CASS4: variants seen among roughly 807,000 people sequenced by gnomAD.
The protein encoded by CASS4 is Cas scaffold protein family member 4.
In CASS4, 22 loss-of-function variants were observed where a neutral mutation model predicts 54.2. The ratio of observed to expected loss-of-function variants is 0.41; its 90% CI spans 0.29 to 0.58. CASS4 has a LOEUF of 0.58. Ranked by LOEUF, CASS4 falls within the 20% of genes least tolerant of loss-of-function variation. The pLI is 0.36. For synonymous variants in CASS4, 409 were observed against 391.5 expected (o/e 1.04, Z -0.53); for missense variants, 854 against 986.7 (o/e 0.87, Z 1.80).
chr20:56,428,588 C>T (rs192825049), intron 1 of CASS4, among the ~76,000 whole-genome samples: 3 of 152,142 alleles, frequency 2.0e-5, no homozygotes, highest in Non-Finnish European at 2.9e-5. Context: ...AAATGTCTTA[C>T]GCCTGGCCTG....
intron 2 of CASS4, among the ~76,000 whole-genome samples, chr20:56,443,015 C>A (rs1382797572): frequency 6.6e-6 from 1 of 151,344 alleles, no homozygotes; most frequent in Non-Finnish European, 1.5e-5. Flanking sequence ...ATAAAATGGG[C>A]CTGAAGTCAT....
chr20:56,458,883 G>A lies in CASS4; in HGVS notation c.*136G>A. ...ACAGACCTGGTGCCCAAAGCTGGTA[G>A]TACCAAGTGGCTAAGCAACCCCAGG... On this transcript the variant is annotated 3_prime_UTR_variant, in exon 6 of 6. Transcript: ENST00000679887. 1 of 914,296 alleles carries A rather than the reference G, an allele frequency of 1.1e-6. No homozygotes were observed. The highest frequency in any genetic ancestry group is 2.9e-5 in the Admixed American group (1 of 34,464). The allele number at this position is 914,296 out of a possible 1,614,324, so 56.6% of individuals were successfully genotyped here.
Position 56,452,559 on chromosome 20 carries a change from T to G in CASS4, c.1383T>G (p.Phe461Leu), listed in dbSNP as rs770021620. Residue 461 changes from phenylalanine (F) to leucine (L), a missense_variant, in exon 5 of 6, where the codon TTT becomes TTG. Phe to Leu is a conservative substitution (Grantham distance 22). Coordinates refer to ENST00000679887, the MANE Select transcript of CASS4 (RefSeq NM_020356.4). ...VVSSVAGLML[F>L]VSRKWRFRDY... ...GCTCTGTCGCTGGCCTGATGCTCTT[T>G]GTCAGCAGGAAGTGGAGATTCCGAG... 6.8e-6 allele frequency: 11 copies of G among 1,614,182 alleles called. No homozygotes were observed. Among genetic ancestry groups the G allele is most frequent in the Non-Finnish European group, 9.3e-6 (11 of 1,180,024 alleles).
intron 1 of CASS4, among the ~76,000 whole-genome samples, chr20:56,415,141 TG>T (rs1979068048): frequency 6.6e-6 from 1 of 152,206 alleles, no homozygotes; most frequent in African/African-American, 2.4e-5. Flanking sequence ...TACCAGGGGT[TG>T]GCAAACTCTT....
At chr20:56,413,067 G>A (rs1209233039) in intron 1 of CASS4, among the ~76,000 whole-genome samples, 1 of 151,954 alleles carries the variant, frequency 6.6e-6, no homozygotes, top group Non-Finnish European at 1.5e-5. Flanking sequence ...GCCAGGCACG[G>A]TGGTACATAC....
At chr20:56,415,746 G>C (rs937537072) in intron 1 of CASS4, among the ~76,000 whole-genome samples, 2 of 152,170 alleles carry the variant, frequency 1.3e-5, no homozygotes, top group African/African-American at 4.8e-5. Context: ...GTTCGCCTTT[G>C]TACATCGTAT....
intron 1 of CASS4, among the ~76,000 whole-genome samples, chr20:56,422,087 T>C (rs1979441276): frequency 6.6e-6 from 1 of 152,200 alleles, no homozygotes; most frequent in South Asian, 2.1e-4. Flanking sequence ...GGTGGGTTTT[T>C]CATGAGCAAG....
At chr20:56,423,981 G>A (rs1979525397) in intron 1 of CASS4, among the ~76,000 whole-genome samples, 1 of 152,136 alleles carries the variant, frequency 6.6e-6, no homozygotes, top group Non-Finnish European at 1.5e-5. Flanking sequence ...CAAAAACGGG[G>A]CTGAAGCAGA....
chr20:56,420,119 G>A (rs1979342402), intron 1 of CASS4, among the ~76,000 whole-genome samples: 1 of 152,140 alleles, frequency 6.6e-6, no homozygotes, highest in African/African-American at 2.4e-5. Flanking sequence ...CAGGCAATTT[G>A]AGGCCACCTA....
At chr20:56,433,250 C>A (rs1424967275) in intron 1 of CASS4, among the ~76,000 whole-genome samples, 2 of 152,160 alleles carry the variant, frequency 1.3e-5, no homozygotes, top group African/African-American at 4.8e-5. Flanking sequence ...GACCCTTTTT[C>A]TAAGGAAGTG....
In CASS4 at chr20:56,458,076, G is replaced by A. The variant is rs1397153913; in HGVS notation, c.1954-264G>A. ...CATTGCCAATGTGTTTCTTAAAATG[G>A]GTTTCTTGTAGTTGGTTTATTGAGA... On this transcript the variant is annotated intron_variant, in intron 5 of 5. Coordinates refer to ENST00000679887, the MANE Select transcript of CASS4 (RefSeq NM_020356.4). Among the ~76,000 whole-genome samples the A allele has an allele frequency of 2.0e-5, 3 of 150,776 alleles. No homozygotes were observed. The East Asian group carries it at 5.8e-4, about 29-fold the overall frequency.
chr20:56,455,199 C>A (rs1981233853), intron 5 of CASS4, among the ~76,000 whole-genome samples: 1 of 151,132 alleles, frequency 6.6e-6, no homozygotes. Context: ...TATTTGTGGT[C>A]AATGACAGTA....
rs749532978 is a variant in CASS4 at position 56,452,005 on chromosome 20, T to C, written c.829T>C (p.Ser277Pro). Residue 277 changes from serine (S) to proline (P), a missense_variant, in exon 5 of 6, where the codon TCC (serine) becomes CCC (proline). Ser to Pro is a moderately conservative substitution (Grantham distance 74). Transcript: ENST00000679887. ...GCCCCACGCTCTCCCCAGTTCCAGC[T>C]CCACTTTCTACAATCCTCCAAGTGG... ...SRPHALPSSS[S>P]TFYNPPSGRS... 2.0e-5 allele frequency: 32 copies of C among 1,614,048 alleles called. No individual in the cohort carries two copies. Among genetic ancestry groups the C allele is most frequent in the Non-Finnish European group, 2.6e-5 (31 of 1,180,034 alleles).
At chr20:56,434,364 A>G (rs1980055196) in intron 1 of CASS4, among the ~76,000 whole-genome samples, 1 of 152,258 alleles carries the variant, frequency 6.6e-6, no homozygotes, top group Non-Finnish European at 1.5e-5. Context: ...CATCTGTACA[A>G]TGGAAAACCA....
Position 56,452,267 on chromosome 20 carries a change from A to T in CASS4, c.1091A>T (p.Lys364Met), listed in dbSNP as rs1247336097. 1.2e-6 allele frequency: 2 copies of T among 1,613,998 alleles called. No homozygotes were observed. Among genetic ancestry groups the T allele is most frequent in the Non-Finnish European group, 1.7e-6 (2 of 1,180,026 alleles). Residue 364 changes from lysine to methionine, a missense_variant, in exon 5 of 6, where the codon AAG (lysine) becomes ATG (methionine). Physicochemically the swap from Lys to Met is moderately conservative, Grantham distance 95. Coordinates refer to ENST00000679887, the MANE Select transcript of CASS4 (RefSeq NM_020356.4). ...ACGTCGAGTGTTTCTCAGGCTGGGAAGGAGCTGGAGAAAGCCAAGGAGGTG... is the reference window on the plus strand; with the variant it reads ...ACGTCGAGTGTTTCTCAGGCTGGGATGGAGCTGGAGAAAGCCAAGGAGGTG... ...KATSSVSQAG[K>M]ELEKAKEVSE...
rs1348816140 is a variant in CASS4 at position 56,458,416 on chromosome 20, G to A, written c.2030G>A (p.Arg677Gln). Residue 677 changes from arginine (R) to glutamine (Q), a missense_variant, in exon 6 of 6, where the codon CGG (arginine) becomes CAG (glutamine). Transcript: ENST00000679887. ...ERKPRLSEHCRLYFGALFKAI... is the reference protein window; with the variant it reads ...ERKPRLSEHCQLYFGALFKAI... Reference sequence around the variant, plus strand: ...AAACCCCGCTTATCTGAACACTGCCGGCTCTACTTTGGGGCGCTCTTCAAA... The same window carrying A: ...AAACCCCGCTTATCTGAACACTGCCAGCTCTACTTTGGGGCGCTCTTCAAA... The A allele has an allele frequency of 2.5e-6, 4 of 1,613,972 alleles. No homozygotes were observed. Among genetic ancestry groups the A allele is most frequent in the Admixed American group, 1.7e-5 (1 of 59,984 alleles).
At chr20:56,421,589 G>A (rs910391246) in intron 1 of CASS4, among the ~76,000 whole-genome samples, 3 of 152,112 alleles carry the variant, frequency 2.0e-5, no homozygotes, top group African/African-American at 7.2e-5. Flanking sequence ...CTAGCTACTT[G>A]AAAGGCTGAG....
At chr20:56,425,087 A>G (rs1318673934) in intron 1 of CASS4, among the ~76,000 whole-genome samples, 1 of 152,222 alleles carries the variant, frequency 6.6e-6, no homozygotes, top group Non-Finnish European at 1.5e-5. Flanking sequence ...AACATGTCCC[A>G]TCATGGGAGG....
At chr20:56,439,647 A>G (rs1251304855) in intron 2 of CASS4, among the ~76,000 whole-genome samples, 2 of 152,046 alleles carry the variant, frequency 1.3e-5, no homozygotes, top group African/African-American at 4.8e-5. Context: ...GCGCCCCTGC[A>G]CTCCAGCCTG....
Sources: gnomAD v4.1 joint callset for allele counts (sites outside exome capture counted in the v4.1 genomes callset) on GRCh38, gnomAD v4.1.1 for gene constraint, MANE v1.5 for transcripts, NCBI Gene and HGNC (gene_info 2026-07-23, HGNC 2026-07-21) for gene names.